MAPK4: variants seen among roughly 807,000 people sequenced by gnomAD.
MAPK4 encodes mitogen-activated protein kinase 4, also known as Erk3-related.
A neutral mutation model predicts 47.7 loss-of-function variants in MAPK4; 22 were observed. The ratio of observed to expected loss-of-function variants is 0.46; its 90% CI spans 0.33 to 0.66. The LOEUF is 0.66. Ranked by LOEUF, MAPK4 falls within the 30% of genes least tolerant of loss-of-function variation. MAPK4 has a pLI of 0.02. For missense variants in MAPK4, 736 were observed against 831.7 expected, an observed-to-expected ratio of 0.88 and a Z score of 1.42; for synonymous variants, 390 against 365.7, an observed-to-expected ratio of 1.07 and a Z score of -0.76.
intron 1 of MAPK4, chr18:50,560,857 G>T (rs1465510238): frequency 6.6e-6 from 1 of 152,288 alleles, no homozygotes. Context: ...AGCGGCTCGG[G>T]TTTGACATCC....
intron 2 of MAPK4, among the ~76,000 whole-genome samples, chr18:50,695,160 A>G (rs1043607810): frequency 6.6e-6 from 1 of 152,018 alleles, no homozygotes; most frequent in Non-Finnish European, 1.5e-5. Flanking sequence ...AGCCTGGCCA[A>G]CGTGATGAAA....
chr18:50,719,618 G>A (rs1910826498), intron 3 of MAPK4, among the ~76,000 whole-genome samples: 1 of 152,132 alleles, frequency 6.6e-6, no homozygotes, highest in Non-Finnish European at 1.5e-5. Context: ...ATAGGTGCCT[G>A]GCTGCCTCCA....
intron 1 of MAPK4, among the ~76,000 whole-genome samples, chr18:50,601,395 T>C (rs974333357): frequency 1.2e-4 from 18 of 151,222 alleles, no homozygotes; most frequent in Admixed American, 6.6e-5. Context: ...TTTGTCCTAG[T>C]GTGAAAATTG....
At chr18:50,722,428 A>G (rs778127583) in intron 4 of MAPK4, among the ~76,000 whole-genome samples, 4 of 152,196 alleles carry the variant, frequency 2.6e-5, no homozygotes, top group Admixed American at 6.5e-5. Context: ...GCTGCAAAGA[A>G]CAGGAGCTTC....
At chr18:50,645,888 GTAA>G (rs2042984518) in intron 1 of MAPK4, among the ~76,000 whole-genome samples, 1 of 152,186 alleles carries the variant, frequency 6.6e-6, no homozygotes, top group South Asian at 2.1e-4. Flanking sequence ...TAAGGTGGAG[GTAA>G]TAATGGCATG....
chr18:50,686,802 A>G (rs1908906951), intron 2 of MAPK4, among the ~76,000 whole-genome samples: 1 of 152,258 alleles, frequency 6.6e-6, no homozygotes, highest in African/African-American at 2.4e-5. Context: ...AGAAGAAAGC[A>G]GAGATTAGAC....
intron 1 of MAPK4, among the ~76,000 whole-genome samples, chr18:50,652,367 G>T (rs766253509): frequency 2.3e-4 from 35 of 152,342 alleles, no homozygotes; most frequent in Admixed American, 1.1e-3. Context: ...GCCTCCCCGG[G>T]AATAGTAGGA....
In MAPK4 at chr18:50,730,558, AC is replaced by A. The variant is rs1267068677; in HGVS notation, c.*708del. 3 of 152,454 alleles carry A rather than the reference AC, an allele frequency of 2.0e-5. No homozygotes were observed. Among genetic ancestry groups the A allele is most frequent in the African/African-American group, 7.3e-5 (3 of 41,326 alleles). The allele number at this position is 152,454 out of a possible 1,614,324, so 9.4% of individuals were successfully genotyped here. Reference sequence around the variant, plus strand: ...GTACTTAAATGTTCTCATCTGTCGCACCCCTGTATTTGCCTCACCCCTGCAT... The same window carrying A: ...GTACTTAAATGTTCTCATCTGTCGCACCCTGTATTTGCCTCACCCCTGCAT... On this transcript the variant is annotated 3_prime_UTR_variant, in exon 6 of 6. Coordinates refer to ENST00000400384, the MANE Select transcript of MAPK4 (RefSeq NM_002747.4).
intron 1 of MAPK4, among the ~76,000 whole-genome samples, chr18:50,569,026 T>C (rs1271690352): frequency 6.6e-6 from 1 of 152,238 alleles, no homozygotes; most frequent in African/African-American, 2.4e-5. Context: ...TCTGGTAATT[T>C]TTCTATCTGG....
At position 50,717,557 on chromosome 18, in the gene MAPK4, C is replaced by T. The variant is rs535507413; in HGVS notation, c.691+2334C>T. 6.4e-4 allele frequency among the ~76,000 whole-genome samples: 97 copies of T among 151,848 alleles called. 1 individual carries two copies. The highest frequency in any genetic ancestry group is 1.1e-3 in the Non-Finnish European group (75 of 67,924). On this transcript the variant is annotated intron_variant, in intron 3 of 5. Transcript: ENST00000400384. ...CAGAACCCCAAGACCTAGTAAGATT[C>T]CCCCCACTAAAGCCCCTGAATCCCA...
chr18:50,603,088 C>T (rs115987339), intron 1 of MAPK4, among the ~76,000 whole-genome samples: 1 of 152,148 alleles, frequency 6.6e-6, no homozygotes, highest in African/African-American at 2.4e-5. Flanking sequence ...TCACCCTCCA[C>T]TAATCTGGAG....
chr18:50,728,092 A>G (rs1911301564), intron 5 of MAPK4, among the ~76,000 whole-genome samples: 2 of 152,180 alleles, frequency 1.3e-5, no homozygotes. Context: ...TGTGGGCTAC[A>G]GCTGCCAGGT....
intron 2 of MAPK4, among the ~76,000 whole-genome samples, chr18:50,668,234 GC>G (rs1907718345): frequency 6.6e-6 from 1 of 152,142 alleles, no homozygotes; most frequent in South Asian, 2.1e-4. Context: ...GGGAGTGGGG[GC>G]GCACCACCCT....
At chr18:50,559,901 G>T (rs1269664097), upstream of MAPK4, among the ~76,000 whole-genome samples, 1 of 151,322 alleles carries the variant, frequency 6.6e-6, no homozygotes, top group African/African-American at 2.4e-5. Context: ...GCGGCTGAGC[G>T]GCCTGGAGGC....
rs79988938 is a variant in MAPK4, at chr18:50,704,501, C to G, written c.547-10578C>G. On this transcript the variant is annotated intron_variant, in intron 2 of 5. Coordinates refer to ENST00000400384, the MANE Select transcript of MAPK4 (RefSeq NM_002747.4). ...GTCTCCAAAAAAAAAGCAAGACAAT[C>G]ATGTGTGTCTCTCTCTTATTTCTCC... The G allele has an allele frequency of 8.1e-3, 3,210 of 398,534 alleles. 71 individuals are homozygous for G. The highest frequency in any genetic ancestry group is 0.05 in the African/African-American group (2,444 of 48,734). The allele number at this position is 398,534 out of a possible 1,614,324, so 24.7% of individuals were successfully genotyped here.
intron 1 of MAPK4, among the ~76,000 whole-genome samples, chr18:50,604,182 A>C (rs563586933): frequency 6.6e-6 from 1 of 152,330 alleles, no homozygotes; most frequent in East Asian, 1.9e-4. Context: ...CATTGTTCTA[A>C]AGCCTAGGGT....
chr18:50,664,007 G>C lies in MAPK4; in HGVS notation c.49G>C (p.Gly17Arg). Residue 17 changes from glycine (G) to arginine (R), a missense_variant, in exon 2 of 6, where the codon GGT (glycine) becomes CGT (arginine). Transcript: ENST00000400384. The surrounding 1 kb of genome is among the most constrained non-coding windows in gnomAD (Gnocchi z 6.0). The part of the protein sequence containing the change: ...CIASVYGYDL[G>R]GRFVDFQPLG... ...CGCCAGTGTCTATGGGTATGACCTC[G>C]GTGGGCGCTTTGTTGACTTCCAACC... is the stretch of plus-strand genomic sequence containing the variant. The C allele has an allele frequency of 1.2e-6, 2 of 1,613,708 alleles. No individual in the cohort carries two copies. Among genetic ancestry groups the C allele is most frequent in the Non-Finnish European group, 1.7e-6 (2 of 1,180,032 alleles).
intron 1 of MAPK4, among the ~76,000 whole-genome samples, chr18:50,653,187 C>T (rs1403219508): frequency 6.7e-6 from 1 of 149,274 alleles, no homozygotes; most frequent in Non-Finnish European, 1.5e-5. Context: ...AGACCTTAGT[C>T]TCAAAAAATA....
At position 50,717,107 on chromosome 18, in the gene MAPK4, C is replaced by G. The variant is rs368684729; in HGVS notation, c.691+1884C>G. Among the ~76,000 whole-genome samples, 21 of 152,306 alleles carry G rather than the reference C, an allele frequency of 1.4e-4. No homozygotes were observed. The South Asian group carries it at 4.3e-3, about 32-fold the overall frequency. On this transcript the variant is annotated intron_variant, in intron 3 of 5. Coordinates refer to ENST00000400384, the MANE Select transcript of MAPK4 (RefSeq NM_002747.4). ...CTGGCTGTGAGGCTGATGTGACTCA[C>G]TTATCTACTATCCTGACACAGAGCC...
Sources: gnomAD v4.1 joint callset for allele counts (sites outside exome capture counted in the v4.1 genomes callset) on GRCh38, gnomAD v4.1.1 for gene constraint, Gnocchi (gnomAD v3.1) non-coding constraint, MANE v1.5 for transcripts, NCBI Gene and HGNC (gene_info 2026-07-23, HGNC 2026-07-21) for gene names.